The following MACROD2 variants were observed in gnomAD, a reference collection of about 807,000 sequenced individuals.
MACROD2 encodes the protein ADP-ribose glycohydrolase MACROD2.
In MACROD2, 36 loss-of-function variants were observed where a neutral mutation model predicts 70.4. The observed-to-expected ratio is 0.51, with a 90% confidence interval of 0.39 to 0.68. MACROD2 has a LOEUF of 0.68. Ranked by LOEUF, MACROD2 falls within the 30% of genes least tolerant of loss-of-function variation. The pLI, the probability that MACROD2 is intolerant of heterozygous loss-of-function variation, is 0.00. For synonymous variants in MACROD2, 172 were observed against 178.8 expected (o/e 0.96, Z 0.30); for missense variants, 496 against 538.4 (o/e 0.92, Z 0.78).
chr20:15,696,216 C>T (rs1487703862), intron 8 of MACROD2, among the ~76,000 whole-genome samples: 1 of 152,114 alleles, frequency 6.6e-6, no homozygotes, highest in African/African-American at 2.4e-5. Flanking sequence ...AGGTATGTCC[C>T]TTGTATGCCA....
At chr20:14,294,833 T>C (rs2082413739) in intron 3 of MACROD2, among the ~76,000 whole-genome samples, 2 of 151,822 alleles carry the variant, frequency 1.3e-5, no homozygotes, top group Non-Finnish European at 2.9e-5. Flanking sequence ...TAAATGTCCA[T>C]TGATGAATAA....
At chr20:14,316,485 G>A (rs1489756472) in intron 3 of MACROD2, among the ~76,000 whole-genome samples, 3 of 152,156 alleles carry the variant, frequency 2.0e-5, no homozygotes, top group Non-Finnish European at 2.9e-5. Flanking sequence ...TAGCCCATGG[G>A]CCACAGGCAG....
intron 8 of MACROD2, among the ~76,000 whole-genome samples, chr20:15,652,756 A>T (rs771839518): frequency 2.0e-5 from 3 of 151,810 alleles, no homozygotes; most frequent in Non-Finnish European, 2.9e-5. Context: ...GCCTTGAGTA[A>T]TTCATCTACT....
Position 13,995,815 on chromosome 20 carries a change from C to G in MACROD2, c.46+6C>G. ...GGTGTGGAGAGAGGAGAAAGGTAAC[C>G]GGCCCGTCGAGTCCTGGGGGTGCGG... is the stretch of plus-strand genomic sequence containing the variant. On this transcript the variant is annotated splice_donor_region_variant and intron_variant, in intron 1 of 17. Transcript: ENST00000684519. The surrounding 1 kb of genome is among the most constrained non-coding windows in gnomAD (Gnocchi z 4.3). The G allele has an allele frequency of 7.4e-7, 1 of 1,344,206 alleles. No individual in the cohort carries two copies. The highest frequency in any genetic ancestry group is 1.0e-6 in the Non-Finnish European group (1 of 992,358). 83.3% of individuals were successfully genotyped at this position (1,344,206 alleles called of 1,614,324 possible). A position where few individuals can be genotyped will look rare whatever the true frequency, so the allele number is the denominator to read the frequency against.
intron 6 of MACROD2, among the ~76,000 whole-genome samples, chr20:15,249,764 A>G (rs545277205): frequency 6.6e-6 from 1 of 152,348 alleles, no homozygotes; most frequent in African/African-American, 2.4e-5. Flanking sequence ...ATTAAAAAGC[A>G]TATGCAGAAT....
chr20:15,639,555 G>A (rs2049422465), intron 8 of MACROD2, among the ~76,000 whole-genome samples: 1 of 152,166 alleles, frequency 6.6e-6, no homozygotes, highest in African/African-American at 2.4e-5. Context: ...CACCCCTGCA[G>A]AGCCAGGCAC....
At chr20:15,714,314 T>C (rs978125760) in intron 8 of MACROD2, among the ~76,000 whole-genome samples, 2 of 152,180 alleles carry the variant, frequency 1.3e-5, no homozygotes, top group Non-Finnish European at 2.9e-5. Context: ...CACTAAGAAG[T>C]CCCTGGCTCC....
chr20:13,995,850 G>GGGGGGGGGGGGGGGGT lies in MACROD2; in HGVS notation c.46+41_46+42insGGGGGGGGGGGGGGGT. 2.0e-6 allele frequency: 1 copy of GGGGGGGGGGGGGGGGT among 505,102 alleles called. No homozygotes were observed. The highest frequency in any genetic ancestry group is 3.8e-6 in the Non-Finnish European group (1 of 266,322). 31.3% of individuals were successfully genotyped at this position (505,102 alleles called of 1,614,324 possible). ...AGTCCTGGGGGTGCGGGCGGTGGGG[G>GGGGGGGGGGGGGGGGT]TTAGGGTGGGGGCGGGGGTCAGGCT... On this transcript the variant is annotated intron_variant, in intron 1 of 17. Transcript: ENST00000684519. This position sits in a 1 kb window ranked among gnomAD's most constrained non-coding sequence, Gnocchi z 4.3.
At chr20:14,339,156 A>C (rs1436857679) in intron 3 of MACROD2, among the ~76,000 whole-genome samples, 1 of 152,190 alleles carries the variant, frequency 6.6e-6, no homozygotes, top group Non-Finnish European at 1.5e-5. Flanking sequence ...GTTTGACCTG[A>C]GTTCCCTTCC....
intron 5 of MACROD2, among the ~76,000 whole-genome samples, chr20:14,984,784 A>G (rs1195366998): frequency 1.3e-5 from 2 of 152,020 alleles, no homozygotes; most frequent in Admixed American, 1.3e-4. Context: ...TGTTGGGGAG[A>G]GGGTTGGGGG....
intron 5 of MACROD2, among the ~76,000 whole-genome samples, chr20:15,122,104 T>G (rs1390921743): frequency 6.6e-6 from 1 of 152,236 alleles, no homozygotes; most frequent in Non-Finnish European, 1.5e-5. Context: ...TTCTTCATGC[T>G]AAAACAAACA....
At chr20:15,095,344 G>C (rs2075823044) in intron 5 of MACROD2, among the ~76,000 whole-genome samples, 1 of 151,766 alleles carries the variant, frequency 6.6e-6, no homozygotes, top group Admixed American at 6.6e-5. Context: ...CAAAGTGCTG[G>C]GATTACAGGT....
Position 16,041,282 on chromosome 20 carries a change from A to G in MACROD2, c.1231+4A>G, listed in dbSNP as rs773817160. On this transcript the variant is annotated splice_donor_region_variant and intron_variant, in intron 16 of 17. Coordinates refer to ENST00000684519, the MANE Select transcript of MACROD2 (RefSeq NM_001351661.2). ...GAAAATACTCCAGGTCCTGATGGTA[A>G]GGTTCTGAGCTATTGGAGCCCATGG... 6.2e-7 allele frequency: 1 copy of G among 1,610,920 alleles called. No homozygotes were observed. The highest frequency in any genetic ancestry group is 8.5e-7 in the Non-Finnish European group (1 of 1,178,082).
rs573050461 is a variant in MACROD2, at chr20:15,038,695, C to T, written c.419-191245C>T. Among the ~76,000 whole-genome samples the T allele has an allele frequency of 2.8e-4, 42 of 152,174 alleles. 1 individual carries two copies. In the South Asian group the frequency reaches 4.2e-3, roughly 15 times the overall value. The stretch of plus-strand genomic sequence containing the variant: ...GTGACGTTCAATGTGCTCATGAGGA[C>T]GAGGTCAGGCCTGGCCCAACCTGGA... On this transcript the variant is annotated intron_variant, in intron 5 of 17. Transcript: ENST00000684519.
At chr20:14,845,002 A>C (rs2073125059) in intron 5 of MACROD2, among the ~76,000 whole-genome samples, 1 of 152,078 alleles carries the variant, frequency 6.6e-6, no homozygotes, top group Non-Finnish European at 1.5e-5. Context: ...GCCACAATCT[A>C]GCTGTTGAAA....
intron 5 of MACROD2, among the ~76,000 whole-genome samples, chr20:15,121,118 T>C (rs1319242698): frequency 6.6e-6 from 1 of 152,236 alleles, no homozygotes; most frequent in African/African-American, 2.4e-5. Flanking sequence ...TAAAAGATAT[T>C]GTTTAAAACT....
chr20:14,598,476 A>G (rs1982283078), intron 4 of MACROD2, among the ~76,000 whole-genome samples: 1 of 152,166 alleles, frequency 6.6e-6, no homozygotes, highest in Non-Finnish European at 1.5e-5. Context: ...AGAGATGGTA[A>G]TATAGAATAT....
At chr20:14,974,171 C>A (rs1233121718) in intron 5 of MACROD2, among the ~76,000 whole-genome samples, 1 of 152,146 alleles carries the variant, frequency 6.6e-6, no homozygotes, top group East Asian at 1.9e-4. Flanking sequence ...TGGCACTTGC[C>A]AGTTGATTGG....
At chr20:15,863,306 G>A (rs2147165597) in intron 9 of MACROD2, among the ~76,000 whole-genome samples, 1 of 152,184 alleles carries the variant, frequency 6.6e-6, no homozygotes, top group South Asian at 2.1e-4. Flanking sequence ...AAATTTCAAT[G>A]CCTATAGTAG....
Sources: gnomAD v4.1 joint callset for allele counts (sites outside exome capture counted in the v4.1 genomes callset) on GRCh38, gnomAD v4.1.1 for gene constraint, Gnocchi (gnomAD v3.1) non-coding constraint, MANE v1.5 for transcripts, NCBI Gene and HGNC (gene_info 2026-07-23, HGNC 2026-07-21) for gene names.